Variants in DAPP1 observed in about 807,000 individuals in gnomAD.
DAPP1 encodes dual adaptor of phosphotyrosine and 3-phosphoinositides 1, also known as dual adapter for phosphotyrosine and 3-phosphotyrosine and 3-phosphoinositide.
Under a neutral mutation model 41.5 loss-of-function variants are expected in DAPP1, and 20 were observed. The observed-to-expected ratio is 0.48, with a 90% CI of 0.34 to 0.70. DAPP1 has a LOEUF of 0.70. Ranked by LOEUF, DAPP1 falls within the 30% of genes least tolerant of loss-of-function variation. The pLI, the probability that DAPP1 is intolerant of heterozygous loss-of-function variation, is 0.01. For missense variants in DAPP1, 233 were observed against 333.4 expected (o/e 0.70, Z 2.35); for synonymous variants, 113 against 116.2 (o/e 0.97, Z 0.18).
At chr4:99,856,352 G>C (rs1724043332) in intron 4 of DAPP1, among the ~76,000 whole-genome samples, 1 of 152,202 alleles carries the variant, frequency 6.6e-6, no homozygotes, top group African/African-American at 2.4e-5. Flanking sequence ...CTGAAGGGAA[G>C]GAGTGACTCA....
chr4:99,830,006 G>A (rs756566320), intron 1 of DAPP1, among the ~76,000 whole-genome samples: 93 of 152,186 alleles, frequency 6.1e-4, no homozygotes, highest in Non-Finnish European at 1.2e-3. Flanking sequence ...GTCTTAAAGA[G>A]ACCTCCAGAT....
intron 2 of DAPP1, among the ~76,000 whole-genome samples, chr4:99,839,193 G>T (rs567001076): frequency 1.4e-5 from 2 of 140,270 alleles, no homozygotes; most frequent in South Asian, 4.5e-4. Flanking sequence ...ATCTCAATCT[G>T]CAGGGGTGGA....
intron 2 of DAPP1, among the ~76,000 whole-genome samples, chr4:99,839,180 C>T (rs893732917): frequency 1.5e-4 from 22 of 145,502 alleles, no homozygotes; most frequent in East Asian, 2.0e-4. Context: ...TTGGATCTAC[C>T]GAATCTCAAT....
chr4:99,845,244 A>T (rs938107829), intron 3 of DAPP1, among the ~76,000 whole-genome samples: 8 of 152,198 alleles, frequency 5.3e-5, no homozygotes, highest in South Asian at 2.1e-4. Flanking sequence ...ATCTGGGCTA[A>T]TCTGGTTCTA....
intron 8 of DAPP1, among the ~76,000 whole-genome samples, chr4:99,867,429 A>G: frequency 6.6e-6 from 1 of 152,220 alleles, no homozygotes; most frequent in Non-Finnish European, 1.5e-5. Context: ...TAGAAGTAAA[A>G]ACCACAATGA....
chr4:99,862,891 T>C (rs1724289296), intron 5 of DAPP1, 119 bp from the exon 6 acceptor site: 8 of 691,388 alleles, frequency 1.2e-5, no homozygotes, highest in South Asian at 2.5e-5. Context: ...TTCAGGGTTA[T>C]AGTATTTAAT....
At chr4:99,851,090 T>A (rs1035654387) in intron 3 of DAPP1, among the ~76,000 whole-genome samples, 2 of 152,292 alleles carry the variant, frequency 1.3e-5, no homozygotes, top group African/African-American at 4.8e-5. Flanking sequence ...GAATTTACCA[T>A]GCATCTACAA....
intron 3 of DAPP1, among the ~76,000 whole-genome samples, chr4:99,849,469 C>T (rs757969453): frequency 1.3e-5 from 2 of 152,122 alleles, no homozygotes; most frequent in Non-Finnish European, 2.9e-5. Context: ...CTGATAGGTG[C>T]GCTGAAGAGG....
At chr4:99,823,105 T>G (rs1022637699) in intron 1 of DAPP1, among the ~76,000 whole-genome samples, 1 of 152,220 alleles carries the variant, frequency 6.6e-6, no homozygotes, top group Non-Finnish European at 1.5e-5. Flanking sequence ...GAGATGCATG[T>G]TGAATTATTT....
chr4:99,871,421 T>A (rs111436372), downstream of DAPP1, among the ~76,000 whole-genome samples: 126 of 152,296 alleles, frequency 8.3e-4, no homozygotes, highest in African/African-American at 2.3e-3. Context: ...CTTTTTTTTT[T>A]AAATTTATAA....
chr4:99,852,762 C>T (rs1440742823), intron 3 of DAPP1, among the ~76,000 whole-genome samples: 1 of 152,204 alleles, frequency 6.6e-6, no homozygotes, highest in Non-Finnish European at 1.5e-5. Flanking sequence ...TCTTCCTCTA[C>T]CCTAGTGCTT....
In DAPP1 at chr4:99,824,460, G is replaced by A. The variant is rs145117159; in HGVS notation, c.101+7446G>A. Among the ~76,000 whole-genome samples, 257 of 152,292 alleles carry A rather than the reference G, an allele frequency of 1.7e-3. 1 individual carries two copies. Among genetic ancestry groups the A allele is most frequent in the African/African-American group, 5.7e-3 (238 of 41,566 alleles). On this transcript the variant is annotated intron_variant, in intron 1 of 8. Coordinates refer to ENST00000512369, the MANE Select transcript of DAPP1 (RefSeq NM_014395.3). Reference sequence around the variant, plus strand: ...GTTTTTACTGGTGGAATAAATTGACGTTGGTTAGAGGTATCGCCTAAACCA... The same window carrying A: ...GTTTTTACTGGTGGAATAAATTGACATTGGTTAGAGGTATCGCCTAAACCA...
At chr4:99,833,781 A>C (rs1189504016) in intron 1 of DAPP1, among the ~76,000 whole-genome samples, 1 of 152,228 alleles carries the variant, frequency 6.6e-6, no homozygotes, top group Non-Finnish European at 1.5e-5. Flanking sequence ...ATTCTATTTG[A>C]GCAATAAGAA....
At chr4:99,862,426 T>C (rs1014238107) in intron 5 of DAPP1, among the ~76,000 whole-genome samples, 1 of 152,168 alleles carries the variant, frequency 6.6e-6, no homozygotes, top group Non-Finnish European at 1.5e-5. Context: ...CACTGATACC[T>C]TGGAGTTCTT....
intron 3 of DAPP1, 26 bp from the exon 4 acceptor site, chr4:99,853,192 A>AC (rs756706401): frequency 2.5e-6 from 4 of 1,613,360 alleles, no homozygotes; most frequent in Non-Finnish European, 3.4e-6. Flanking sequence ...ACACTGTTCG[A>AC]TTATATATTT....
rs922772856 is a variant in DAPP1 at position 99,866,258 on chromosome 4, A to G, written c.774+137A>G. ...TGGGTGTCTACTTCCAGGCTTGCGG[A>G]ACAGTCTGTTAATTCTTCTGGGACA... On this transcript the variant is annotated intron_variant, in intron 8 of 8. Transcript: ENST00000512369. 8.1e-6 allele frequency: 5 copies of G among 618,904 alleles called. No individual in the cohort carries two copies. In the East Asian group the frequency reaches 1.1e-4, roughly 14 times the overall value. 38.3% of individuals were successfully genotyped at this position (618,904 alleles called of 1,614,324 possible).
At chr4:99,859,466 A>C (rs566065480) in intron 4 of DAPP1, among the ~76,000 whole-genome samples, 11 of 152,148 alleles carry the variant, frequency 7.2e-5, no homozygotes, top group Non-Finnish European at 1.5e-4. Context: ...ATATGTACAC[A>C]TATATACTTT....
chr4:99,853,651 C>G (rs1056606785), intron 4 of DAPP1, among the ~76,000 whole-genome samples: 1 of 152,072 alleles, frequency 6.6e-6, no homozygotes, highest in Non-Finnish European at 1.5e-5. Flanking sequence ...AACATCTCTA[C>G]AACAAACTTT....
chr4:99,840,870 C>T (rs1050548661), intron 3 of DAPP1, among the ~76,000 whole-genome samples: 2 of 151,918 alleles, frequency 1.3e-5, no homozygotes, highest in African/African-American at 2.4e-5. Flanking sequence ...TCTATTGTCA[C>T]GGTTTTTTAA....
Sources: allele counts gnomAD v4.1 joint callset (sites outside exome capture counted in the v4.1 genomes callset), GRCh38; gene constraint gnomAD v4.1.1; transcripts MANE v1.5; gene names NCBI Gene and HGNC (gene_info 2026-07-23, HGNC 2026-07-21).